The following DENND2B variants were observed in gnomAD, a reference collection of about 807,000 sequenced individuals.
DENND2B encodes DENN domain-containing protein 2B.
In DENND2B, 32 loss-of-function variants were observed where a neutral mutation model predicts 116.0. The ratio of observed to expected loss-of-function variants is 0.28; its 90% CI spans 0.21 to 0.37. The LOEUF (loss-of-function observed/expected upper bound fraction) is 0.37, where lower values mean the gene tolerates loss of function less well. DENND2B is among the 10% of genes least tolerant of loss of function. The pLI is 1.00. For synonymous variants in DENND2B, 588 were observed against 583.9 expected (o/e 1.01, Z -0.10); for missense variants, 1,276 against 1,477.7 (o/e 0.86, Z 2.24).
chr11:8,871,600 A>G (rs2063783593), upstream of DENND2B, among the ~76,000 whole-genome samples: 1 of 152,294 alleles, frequency 6.6e-6, no homozygotes, highest in East Asian at 1.9e-4. Flanking sequence ...GGAGCCCTAC[A>G]AAACCCAAAT....
chr11:8,709,385 C>T (rs536781640), intron 11 of DENND2B, among the ~76,000 whole-genome samples: 106 of 152,294 alleles, frequency 7.0e-4, no homozygotes, highest in South Asian at 6.2e-4. Flanking sequence ...AGCCCAGGCC[C>T]TCTCTGAGCA....
intron 3 of DENND2B, among the ~76,000 whole-genome samples, chr11:8,851,737 C>A (rs1216707952): frequency 6.6e-6 from 1 of 151,980 alleles, no homozygotes; most frequent in Non-Finnish European, 1.5e-5. Context: ...GGGGGACAAA[C>A]TAAACAATAA....
chr11:8,754,031 A>C (rs1604523), intron 1 of DENND2B, among the ~76,000 whole-genome samples: 1 of 16,040 alleles, frequency 6.2e-5, no homozygotes, highest in African/African-American at 1.1e-4. Context: ...AAAAGCGCGC[A>C]CACACACACA....
Position 8,712,794 on chromosome 11 carries a change from AC to A in DENND2B, c.1988-60del. On this transcript the variant is annotated intron_variant, in intron 8 of 19. Transcript: ENST00000313726. The surrounding 1 kb of genome is among the most constrained non-coding windows in gnomAD (Gnocchi z 4.4). Reference sequence around the variant, plus strand: ...TCACAGGCCTCATGTTAACTCCTCTACCCCTGGCTCAGGGCTCCATTGCTGT... The same window carrying A: ...TCACAGGCCTCATGTTAACTCCTCTACCCTGGCTCAGGGCTCCATTGCTGT... 1 of 1,524,464 alleles carries A rather than the reference AC, an allele frequency of 6.6e-7. No homozygotes were observed. The highest frequency in any genetic ancestry group is 1.3e-5 in the South Asian group (1 of 79,446). 94.4% of individuals were successfully genotyped at this position (1,524,464 alleles called of 1,614,324 possible). A position where few individuals can be genotyped will look rare whatever the true frequency, so the allele number is the denominator to read the frequency against.
intron 1 of DENND2B, among the ~76,000 whole-genome samples, chr11:8,761,620 T>C (rs1411634555): frequency 1.3e-5 from 2 of 152,154 alleles, no homozygotes; most frequent in African/African-American, 4.8e-5. Context: ...CATTCTTTCT[T>C]AAATATCCAG....
chr11:8,730,847 C>T lies in DENND2B; in HGVS notation c.443G>A (p.Arg148Gln), dbSNP rs1230649608. ...ACCGGTACGGGTCAGCAAGACGCCC[C>T]GGGGGCCAGCTGCTGGCCCCGGGAA... ...TPFPGPAAGPRGVLLTRTGTR... is the reference protein window; with the variant it reads ...TPFPGPAAGPQGVLLTRTGTR... Residue 148 changes from arginine to glutamine, a missense_variant, in exon 3 of 20, where the codon CGG (arginine) becomes CAG (glutamine). Around this residue, in one of 2 missense-constraint regions of DENND2B, gnomAD observed 856 missense variants for 846.6 expected, o/e 1.01. Coordinates refer to ENST00000313726, the MANE Select transcript of DENND2B (RefSeq NM_213618.2). This position sits in a 1 kb window ranked among gnomAD's most constrained non-coding sequence, Gnocchi z 4.1. The T allele has an allele frequency of 2.5e-6, 4 of 1,613,262 alleles. No individual in the cohort carries two copies. In the South Asian group the frequency reaches 4.4e-5, roughly 18 times the overall value.
chr11:8,797,697 G>A (rs1000175346), intron 1 of DENND2B, among the ~76,000 whole-genome samples: 7 of 151,884 alleles, frequency 4.6e-5, no homozygotes, highest in African/African-American at 7.3e-5. Context: ...CGATCCTCCC[G>A]CTTCAGCCTC....
intron 4 of DENND2B, among the ~76,000 whole-genome samples, chr11:8,821,436 A>AG (rs1470523191): frequency 6.6e-6 from 1 of 151,602 alleles, no homozygotes; most frequent in Non-Finnish European, 1.5e-5. Flanking sequence ...AAAATAAAAA[A>AG]AAAAAATTAG....
chr11:8,831,968 T>C (rs1356563877), intron 4 of DENND2B: 1 of 152,066 alleles, frequency 6.6e-6, no homozygotes, highest in Non-Finnish European at 1.5e-5. Context: ...CGTCCAGTTA[T>C]ACCAAGACCA....
chr11:8,798,458 C>A (rs2060022952), intron 1 of DENND2B, among the ~76,000 whole-genome samples: 1 of 152,076 alleles, frequency 6.6e-6, no homozygotes. Context: ...AAAAGCCATC[C>A]CAACCCCCCC....
chr11:8,709,055 C>CA (rs1310581990), intron 11 of DENND2B, among the ~76,000 whole-genome samples: 1 of 152,116 alleles, frequency 6.6e-6, no homozygotes, highest in African/African-American at 2.4e-5. Context: ...CAGCAGGACT[C>CA]AGAGGCCTGG....
chr11:8,730,292 C>T lies in DENND2B; in HGVS notation c.998G>A (p.Ser333Asn), dbSNP rs749876298. ...LEEPAGGASV[S>N]AGSRAVGVAG... ...CACTCCGACTGCCCGGCTGCCAGCG[C>T]TCACACTCGCGCCCCCTGCCGGCTC... Residue 333 changes from serine to asparagine, a missense_variant, in exon 3 of 20, where the codon AGC becomes AAC. Ser to Asn is a conservative substitution (Grantham distance 46). Transcript: ENST00000313726. The surrounding 1 kb of genome is among the most constrained non-coding windows in gnomAD (Gnocchi z 4.1). 6.2e-7 allele frequency: 1 copy of T among 1,606,836 alleles called. No homozygotes were observed. Among genetic ancestry groups the T allele is most frequent in the Admixed American group, 1.7e-5 (1 of 59,794 alleles).
At chr11:8,699,900 A>C in intron 14 of DENND2B, 1 of 456,404 alleles carries the variant, frequency 2.2e-6, no homozygotes, top group East Asian at 6.9e-5. Flanking sequence ...CAGAACAGGA[A>C]GGACATCTTT....
In DENND2B at chr11:8,730,552, C is replaced by T. The variant is rs751830948; in HGVS notation, c.738G>A (p.Ala246=). 10 of 1,613,072 alleles carry T rather than the reference C, an allele frequency of 6.2e-6. No homozygotes were observed. The Admixed American group carries it at 8.3e-5, about 13-fold the overall frequency. ...SYPETEEEGE[A]LPVRDSFYRL... ...GGTAGAAAGAGTCCCGGACAGGGAG[C>T]GCCTCTCCCTCCTCCTCAGTCTCTG... The change falls in exon 3 of 20, where the codon GCG becomes GCA. Residue 246 remains alanine (A), a synonymous_variant. Transcript: ENST00000313726. The surrounding 1 kb of genome is among the most constrained non-coding windows in gnomAD (Gnocchi z 4.1).
intron 4 of DENND2B, chr11:8,718,692 AGG>A: frequency 8.4e-7 from 1 of 1,186,904 alleles, no homozygotes. Context: ...GGTGGGGGTG[AGG>A]GGAGTTCTTG....
At chr11:8,788,327 C>T (rs1746598992) in intron 1 of DENND2B, among the ~76,000 whole-genome samples, 1 of 152,174 alleles carries the variant, frequency 6.6e-6, no homozygotes, top group South Asian at 2.1e-4. Context: ...GCTTCAACCC[C>T]ACCTATGTAT....
chr11:8,710,671 AAAGT>A (rs1324710691), intron 11 of DENND2B, among the ~76,000 whole-genome samples, 170 bp downstream of exon 11: 5 of 151,900 alleles, frequency 3.3e-5, no homozygotes, highest in African/African-American at 1.2e-4. Flanking sequence ...CTCACCTGTG[AAAGT>A]GTGTGTGTTG....
At chr11:8,877,696 A>T (rs1283472360) in intron 2 of DENND2B, among the ~76,000 whole-genome samples, 1 of 152,188 alleles carries the variant, frequency 6.6e-6, no homozygotes, top group Non-Finnish European at 1.5e-5. Context: ...GCATCCCTGA[A>T]ACCAGACTTG....
In DENND2B at chr11:8,712,692, G is replaced by C. The variant is rs373559358; in HGVS notation, c.2031C>G (p.Arg677=). 1 of 1,612,216 alleles carries C rather than the reference G, an allele frequency of 6.2e-7. No individual in the cohort carries two copies. Among genetic ancestry groups the C allele is most frequent in the Non-Finnish European group, 8.5e-7 (1 of 1,179,412 alleles). Residue 677 remains arginine (R), a synonymous_variant, in exon 9 of 20, where the codon CGC becomes CGG. Coordinates refer to ENST00000313726, the MANE Select transcript of DENND2B (RefSeq NM_213618.2). The surrounding 1 kb of genome is among the most constrained non-coding windows in gnomAD (Gnocchi z 4.4). ...RLVHIQSMLK[R]APSYRTLELE... ...GCTCCAGCGTGCGATAGCTGGGGGC[G>C]CGCTTCAGCATCGACTGGATGTGGA...
Sources: gnomAD v4.1 joint callset for allele counts (sites outside exome capture counted in the v4.1 genomes callset) on GRCh38, gnomAD v4.1.1 for gene constraint, gnomAD v4.1.1 regional missense constraint, Gnocchi (gnomAD v3.1) non-coding constraint, MANE v1.5 for transcripts, NCBI Gene and HGNC (gene_info 2026-07-23, HGNC 2026-07-21) for gene names.